SPAG16: variants seen among roughly 807,000 people sequenced by gnomAD.
SPAG16 encodes sperm associated antigen 16, also known as sperm-associated antigen 16 protein.
Under a neutral mutation model 80.4 loss-of-function variants are expected in SPAG16, and 86 were observed. That is an observed-to-expected ratio of 1.07 (90% confidence interval 0.90 to 1.28). SPAG16 has a LOEUF of 1.28. Ranked by LOEUF, SPAG16 falls within the 50% of genes most tolerant of loss-of-function variation. The pLI is 0.00. For synonymous variants in SPAG16, 294 were observed against 265.9 expected (o/e 1.11, Z -1.03); for missense variants, 870 against 765.3 (o/e 1.14, Z -1.61).
intron 11 of SPAG16, among the ~76,000 whole-genome samples, chr2:213,887,451 T>C (rs2076602688): frequency 6.6e-6 from 1 of 152,020 alleles, no homozygotes; most frequent in South Asian, 2.1e-4. Context: ...CTGATTAAAA[T>C]TAGAGATTTC....
At chr2:213,442,550 G>C (rs113843915) in intron 9 of SPAG16, among the ~76,000 whole-genome samples, 9 of 152,242 alleles carry the variant, frequency 5.9e-5, no homozygotes, top group African/African-American at 2.2e-4. Flanking sequence ...AAGACAGTGT[G>C]GTACTGGCAA....
intron 15 of SPAG16, among the ~76,000 whole-genome samples, chr2:214,167,178 A>T (rs926024415): frequency 6.6e-6 from 1 of 152,132 alleles, no homozygotes; most frequent in African/African-American, 2.4e-5. Context: ...GCATAATTCT[A>T]ACTCCGGCTC....
At chr2:213,716,395 C>T (rs1375645020) in intron 10 of SPAG16, among the ~76,000 whole-genome samples, 1 of 152,094 alleles carries the variant, frequency 6.6e-6, no homozygotes, top group Non-Finnish European at 1.5e-5. Context: ...GCAAACATTT[C>T]TAAATTGAGA....
At chr2:213,415,451 A>G (rs1310327085) in intron 9 of SPAG16, among the ~76,000 whole-genome samples, 1 of 152,232 alleles carries the variant, frequency 6.6e-6, no homozygotes, top group African/African-American at 2.4e-5. Context: ...AAGTGGAACA[A>G]AACTGGACTC....
intron 12 of SPAG16, among the ~76,000 whole-genome samples, chr2:213,970,885 G>A (rs2045009616): frequency 6.6e-6 from 1 of 152,148 alleles, no homozygotes; most frequent in African/African-American, 2.4e-5. Context: ...AACCCTGACA[G>A]AACAGGTCTA....
chr2:214,059,040 A>C (rs1459257293), intron 13 of SPAG16, among the ~76,000 whole-genome samples: 2 of 151,656 alleles, frequency 1.3e-5, no homozygotes, highest in Non-Finnish European at 2.9e-5. Flanking sequence ...CAGTCAGTAC[A>C]ATGGTTTTAC....
chr2:214,100,538 T>G (rs1362087676), intron 13 of SPAG16, among the ~76,000 whole-genome samples: 1 of 152,082 alleles, frequency 6.6e-6, no homozygotes, highest in African/African-American at 2.4e-5. Context: ...TTCTCCCACC[T>G]TCCACCCTCA....
At chr2:213,844,562 C>T (rs1280713945) in intron 10 of SPAG16, among the ~76,000 whole-genome samples, 1 of 152,064 alleles carries the variant, frequency 6.6e-6, no homozygotes, top group Admixed American at 6.5e-5. Flanking sequence ...AAATTAAATA[C>T]TTCAGATTAT....
In SPAG16 at chr2:213,463,143, T is replaced by C. The variant is rs1309837283; in HGVS notation, c.943-26820T>C. On this transcript the variant is annotated intron_variant, in intron 9 of 15. Transcript: ENST00000331683. Reference sequence around the variant, plus strand: ...AAAGAGACTGGCAGTGTTTTGCTCCTGCCCTAGAGATCTGTGGAACTTTGA... The same window carrying C: ...AAAGAGACTGGCAGTGTTTTGCTCCCGCCCTAGAGATCTGTGGAACTTTGA... 2.0e-5 allele frequency among the ~76,000 whole-genome samples: 3 copies of C among 152,276 alleles called. No individual in the cohort carries two copies. In the East Asian group the frequency reaches 5.8e-4, roughly 29 times the overall value.
At chr2:213,729,202 A>G (rs2066920089) in intron 10 of SPAG16, among the ~76,000 whole-genome samples, 1 of 152,192 alleles carries the variant, frequency 6.6e-6, no homozygotes, top group Non-Finnish European at 1.5e-5. Flanking sequence ...TTAATAGACA[A>G]TATCACATAG....
chr2:214,149,897 G>T (rs1374889975), intron 15 of SPAG16, among the ~76,000 whole-genome samples: 2 of 151,972 alleles, frequency 1.3e-5, no homozygotes, highest in East Asian at 3.9e-4. Flanking sequence ...AATAATTCCA[G>T]TTGTCCATTT....
At position 214,013,982 on chromosome 2, in the gene SPAG16, A is replaced by G. The variant is rs763572797; in HGVS notation, c.1432A>G (p.Thr478Ala). 1.2e-6 allele frequency: 2 copies of G among 1,613,552 alleles called. No individual in the cohort carries two copies. Among genetic ancestry groups the G allele is most frequent in the Admixed American group, 3.3e-5 (2 of 60,010 alleles). ...ERCRCTLYGH[T>A]DSVNSIEFFP... The stretch of plus-strand genomic sequence containing the variant: ...ATGCAGATGTACTTTGTATGGACAT[A>G]CAGATTCTGTGAACAGCATTGAGTT... Residue 478 changes from threonine (T) to alanine (A), a missense_variant, in exon 13 of 16, where the codon ACA becomes GCA. By Grantham distance (58) the Thr-to-Ala change is moderately conservative. Coordinates refer to ENST00000331683, the MANE Select transcript of SPAG16 (RefSeq NM_024532.5).
chr2:213,924,179 G>A (rs920112649), intron 11 of SPAG16, among the ~76,000 whole-genome samples: 3 of 152,162 alleles, frequency 2.0e-5, no homozygotes, highest in Non-Finnish European at 4.4e-5. Context: ...TTCAGGTGAT[G>A]GCACTGGTGC....
intron 5 of SPAG16, among the ~76,000 whole-genome samples, chr2:213,326,089 G>T (rs755622494): frequency 6.6e-6 from 1 of 151,880 alleles, no homozygotes; most frequent in African/African-American, 2.4e-5. Context: ...TTACAGTAAG[G>T]AAATATAATG....
At chr2:213,553,324 A>C (rs1029756782) in intron 10 of SPAG16, among the ~76,000 whole-genome samples, 1 of 152,202 alleles carries the variant, frequency 6.6e-6, no homozygotes, top group Non-Finnish European at 1.5e-5. Context: ...TCCACATAGA[A>C]TCACTGGTAA....
intron 15 of SPAG16, among the ~76,000 whole-genome samples, chr2:214,271,338 T>A (rs1269618513): frequency 6.6e-6 from 1 of 152,218 alleles, no homozygotes; most frequent in East Asian, 1.9e-4. Context: ...AGGTACTGAA[T>A]GTAAATAAGT....
intron 12 of SPAG16, among the ~76,000 whole-genome samples, chr2:213,988,362 A>G (rs1333348534): frequency 6.6e-6 from 1 of 152,124 alleles, no homozygotes; most frequent in Admixed American, 6.6e-5. Context: ...ATAAAACAAG[A>G]TCAATAAAAT....
chr2:213,288,505 G>A lies in SPAG16; in HGVS notation c.136+3886G>A, dbSNP rs759869624. Among the ~76,000 whole-genome samples, 10 of 150,864 alleles carry A rather than the reference G, an allele frequency of 6.6e-5. No homozygotes were observed. In the South Asian group the frequency reaches 1.9e-3, roughly 29 times the overall value. On this transcript the variant is annotated intron_variant, in intron 1 of 15. Transcript: ENST00000331683. Reference sequence around the variant, plus strand: ...TTTTTGTATTTTCAGTAGAGACGGGGTTTCACTGTGTTAGCCAGGATGGTC... The same window carrying A: ...TTTTTGTATTTTCAGTAGAGACGGGATTTCACTGTGTTAGCCAGGATGGTC...
At chr2:213,676,598 G>C (rs999000422) in intron 10 of SPAG16, among the ~76,000 whole-genome samples, 4 of 152,138 alleles carry the variant, frequency 2.6e-5, no homozygotes, top group African/African-American at 7.2e-5. Context: ...ATGAAGGGTT[G>C]TTGAATTTTG....
Sources: allele counts gnomAD v4.1 joint callset (sites outside exome capture counted in the v4.1 genomes callset), GRCh38; gene constraint gnomAD v4.1.1; transcripts MANE v1.5; gene names NCBI Gene and HGNC (gene_info 2026-07-23, HGNC 2026-07-21).